Variants in ACYP2 observed in about 807,000 individuals in gnomAD.
The protein encoded by ACYP2 is acylphosphatase-2.
ACYP2 carries 12 observed loss-of-function variants against 11.2 expected under a neutral mutation model. That is an observed-to-expected ratio of 1.08 (90% CI 0.69 to 1.74). ACYP2 has a LOEUF of 1.74. ACYP2 is among the 40% of genes most tolerant of loss of function. ACYP2 has a pLI of 0.00. For synonymous variants in ACYP2, 43 were observed against 32.2 expected, an observed-to-expected ratio of 1.33 and a Z score of -1.13; for missense variants, 134 against 101.9, an observed-to-expected ratio of 1.31 and a Z score of -1.35.
chr2:54,081,177 C>T (rs1677625136), intron 4 of ACYP2, among the ~76,000 whole-genome samples: 1 of 152,160 alleles, frequency 6.6e-6, no homozygotes, highest in Admixed American at 6.5e-5. Context: ...TGTGGACCTC[C>T]TCAGTTCTGT....
chr2:54,179,605 A>G (rs925251022), intron 6 of ACYP2, among the ~76,000 whole-genome samples: 6 of 152,116 alleles, frequency 3.9e-5, no homozygotes, highest in Non-Finnish European at 7.4e-5. Context: ...TTTAGACCAT[A>G]TAGGGTAACT....
chr2:53,980,112 G>A (rs773898208), intron 2 of ACYP2, among the ~76,000 whole-genome samples: 33 of 152,178 alleles, frequency 2.2e-4, no homozygotes, highest in Non-Finnish European at 3.8e-4. Flanking sequence ...TGAGGCCAAG[G>A]CAGGAGGATC....
intron 6 of ACYP2, among the ~76,000 whole-genome samples, chr2:54,186,082 TC>T (rs1683980142): frequency 6.6e-6 from 1 of 152,098 alleles, no homozygotes; most frequent in African/African-American, 2.4e-5. Context: ...ATGTTTAATA[TC>T]CCTAGTAGTT....
chr2:54,070,183 T>C (rs1676959235), intron 4 of ACYP2, among the ~76,000 whole-genome samples: 1 of 149,878 alleles, frequency 6.7e-6, no homozygotes, highest in Admixed American at 6.7e-5. Context: ...GGCAGGAGAA[T>C]CTCTTGAACC....
intron 6 of ACYP2, among the ~76,000 whole-genome samples, chr2:54,260,815 T>C (rs757859621): frequency 6.6e-6 from 1 of 152,042 alleles, no homozygotes; most frequent in African/African-American, 2.4e-5. Flanking sequence ...ATGGGAAGGA[T>C]AGTCTATGTG....
chr2:53,982,828 C>CTGTGTGTGTGTGTG lies in ACYP2; in HGVS notation c.62+9051_62+9064dup, dbSNP rs3066946. On this transcript the variant is annotated intron_variant, in intron 2 of 6. Coordinates refer to ENST00000607452, the MANE Select transcript of ACYP2 (RefSeq NM_001320586.2). Reference sequence around the variant, plus strand: ...CATACAACAAATCCTTCACACAAGACTGTGTGTGTGTGTGTGTGTGTGTGT... The same window carrying CTGTGTGTGTGTGTG: ...CATACAACAAATCCTTCACACAAGACTGTGTGTGTGTGTGTGTGTGTGTGTGTGTGTGTGTGTGT... Among the ~76,000 whole-genome samples, 485 of 140,600 alleles carry CTGTGTGTGTGTGTG rather than the reference C, an allele frequency of 3.4e-3. 1 individual carries two copies. The highest frequency in any genetic ancestry group is 5.1e-3 in the Non-Finnish European group (333 of 65,442). 92.2% of individuals were successfully genotyped at this position (140,600 alleles called of 152,430 possible).
At chr2:54,303,630 G>C (rs1425755986) in intron 6 of ACYP2, among the ~76,000 whole-genome samples, 1 of 152,172 alleles carries the variant, frequency 6.6e-6, no homozygotes, top group Non-Finnish European at 1.5e-5. Flanking sequence ...AAGCACAATA[G>C]CAATTTGAAT....
At chr2:54,278,117 A>C (rs191318844) in intron 6 of ACYP2, among the ~76,000 whole-genome samples, 1 of 152,128 alleles carries the variant, frequency 6.6e-6, no homozygotes, top group African/African-American at 2.4e-5. Context: ...AGCTGGGACT[A>C]CAGGCGCCCG....
chr2:54,255,314 A>C, intron 6 of ACYP2: 6 of 1,614,206 alleles, frequency 3.7e-6, no homozygotes, highest in Non-Finnish European at 5.1e-6. Context: ...TTCACTTCCA[A>C]ATTGGTTAAG....
intron 6 of ACYP2, among the ~76,000 whole-genome samples, chr2:54,190,019 C>T (rs1014820978): frequency 6.6e-6 from 1 of 151,996 alleles, no homozygotes; most frequent in Non-Finnish European, 1.5e-5. Context: ...GAGAAATGTC[C>T]ATTTAGGTCC....
chr2:54,263,450 G>A (rs77573918), intron 6 of ACYP2, among the ~76,000 whole-genome samples: 1,603 of 152,234 alleles, frequency 0.011, 9 homozygotes, highest in Middle Eastern at 0.031. Context: ...CCATATCACC[G>A]TGTCTCTACA....
At chr2:53,985,421 G>A (rs1339823203) in intron 2 of ACYP2, among the ~76,000 whole-genome samples, 1 of 151,980 alleles carries the variant, frequency 6.6e-6, no homozygotes, top group Non-Finnish European at 1.5e-5. Context: ...AGGGGATCCT[G>A]CTTCATGTTC....
chr2:54,037,035 G>A (rs112583564), intron 2 of ACYP2, among the ~76,000 whole-genome samples: 2,411 of 152,280 alleles, frequency 0.016, 36 homozygotes, highest in African/African-American at 0.037. Context: ...TTTACATTGA[G>A]TTTCTGGCCA....
chr2:54,274,419 T>G (rs544030907), intron 6 of ACYP2, among the ~76,000 whole-genome samples: 2 of 151,936 alleles, frequency 1.3e-5, no homozygotes, highest in Non-Finnish European at 2.9e-5. Context: ...GGTGGGAGGA[T>G]TGCTTGAGCC....
chr2:54,118,733 A>G (rs1184407990), intron 4 of ACYP2, among the ~76,000 whole-genome samples: 2 of 152,264 alleles, frequency 1.3e-5, no homozygotes, highest in African/African-American at 4.8e-5. Flanking sequence ...GGGTTTAAAA[A>G]GTCAACTTTA....
chr2:54,195,379 G>A (rs982174684), intron 6 of ACYP2, among the ~76,000 whole-genome samples: 2 of 152,100 alleles, frequency 1.3e-5, no homozygotes, highest in Admixed American at 1.3e-4. Flanking sequence ...TTCCTTTCAC[G>A]ACTATAGTTA....
chr2:54,022,659 G>A (rs913012028), intron 2 of ACYP2, among the ~76,000 whole-genome samples: 1 of 152,078 alleles, frequency 6.6e-6, no homozygotes, highest in African/African-American at 2.4e-5. Context: ...GGATTACCCG[G>A]GCATGAGCCG....
At chr2:54,031,731 C>T (rs1674598139) in intron 2 of ACYP2, among the ~76,000 whole-genome samples, 1 of 152,212 alleles carries the variant, frequency 6.6e-6, no homozygotes, top group Non-Finnish European at 1.5e-5. Context: ...AACTAGTTTA[C>T]AGTCCCACCA....
At chr2:54,228,577 T>C (rs538650971) in intron 6 of ACYP2, among the ~76,000 whole-genome samples, 39 of 152,258 alleles carry the variant, frequency 2.6e-4, no homozygotes, top group African/African-American at 9.4e-4. Context: ...CCACCTCCCA[T>C]GAATTGATGA....
Sources: gnomAD v4.1 joint callset for allele counts (sites outside exome capture counted in the v4.1 genomes callset) on GRCh38, gnomAD v4.1.1 for gene constraint, MANE v1.5 for transcripts, NCBI Gene and HGNC (gene_info 2026-07-23, HGNC 2026-07-21) for gene names.